WDR33: variants seen among roughly 807,000 people sequenced by gnomAD.
The protein encoded by WDR33 is pre-mRNA 3' end processing protein WDR33.
WDR33 carries 47 observed loss-of-function variants against 164.9 expected under a neutral mutation model. The observed-to-expected ratio is 0.29, with a 90% CI of 0.23 to 0.36. The LOEUF (loss-of-function observed/expected upper bound fraction) is 0.36, where lower values mean the gene tolerates loss of function less well. Among genes scored for constraint, WDR33 ranks in the 10% least tolerant of loss-of-function variants. The probability of loss-of-function intolerance (pLI) is 1.00; values close to 1 mark genes in which losing one functional copy is unlikely to be tolerated. For synonymous variants in WDR33, 505 were observed against 589.0 expected, an observed-to-expected ratio of 0.86 and a Z score of 2.06; for missense variants, 1,137 against 1,754.1, an observed-to-expected ratio of 0.65 and a Z score of 6.28.
At chr2:127,727,543 A>C in intron 7 of WDR33, among the ~76,000 whole-genome samples, 1 of 152,116 alleles carries the variant, frequency 6.6e-6, no homozygotes. Flanking sequence ...CAGCAAGAAC[A>C]GGAGAGAGTC....
intron 4 of WDR33, among the ~76,000 whole-genome samples, chr2:127,766,000 C>T (rs1018349331): frequency 6.6e-6 from 1 of 152,056 alleles, no homozygotes; most frequent in African/African-American, 2.4e-5. Context: ...TTTAAGTGCA[C>T]CTTTTCTCTT....
In WDR33 at chr2:127,726,912, T is replaced by C; in HGVS notation, c.725-135A>G. 1 of 1,163,140 alleles carries C rather than the reference T, an allele frequency of 8.6e-7. No homozygotes were observed. Among genetic ancestry groups the C allele is most frequent in the East Asian group, 2.5e-5 (1 of 39,662 alleles). 72.1% of individuals were successfully genotyped at this position (1,163,140 alleles called of 1,614,324 possible). On this transcript the variant is annotated intron_variant, in intron 7 of 21. Transcript: ENST00000322313. This position sits in a 1 kb window ranked among gnomAD's most constrained non-coding sequence, Gnocchi z 4.8. ...TTAAAACTTGTTTTGTGAAGACTCT[T>C]TGGCCTCTGTGTGTCTGGAAATTTT...
chr2:127,771,400 G>A (rs1006413888), intron 1 of WDR33, among the ~76,000 whole-genome samples: 6 of 152,146 alleles, frequency 3.9e-5, no homozygotes, highest in Admixed American at 1.3e-4. Flanking sequence ...CCATAGAAAA[G>A]TATGATAAAA....
rs1300835770 is a variant in WDR33, at chr2:127,708,521, C to T, written c.3781+156G>A. 6.6e-6 allele frequency among the ~76,000 whole-genome samples: 1 copy of T among 152,252 alleles called. No homozygotes were observed. Among genetic ancestry groups the T allele is most frequent in the Non-Finnish European group, 1.5e-5 (1 of 68,044 alleles). ...TGGAGTCCTGTGCAGGGCTGAGTTG[C>T]AGTCCACCAGATGACAGCTCGTGTG... On this transcript the variant is annotated intron_variant, in intron 21 of 21. Transcript: ENST00000322313. The surrounding 1 kb of genome is among the most constrained non-coding windows in gnomAD (Gnocchi z 6.7).
intron 1 of WDR33, among the ~76,000 whole-genome samples, chr2:127,786,661 G>A (rs527633060): frequency 5.9e-5 from 9 of 152,208 alleles, no homozygotes; most frequent in African/African-American, 2.2e-4. Context: ...TCCAGCCTGG[G>A]CAAAACAGCA....
At chr2:127,768,805 T>C (rs1219174149) in intron 3 of WDR33, 128 bp downstream of exon 3, 3 of 583,326 alleles carry the variant, frequency 5.1e-6, no homozygotes, top group Admixed American at 5.3e-5. Context: ...TATTATCCCT[T>C]TGGGAATATT....
Position 127,720,299 on chromosome 2 carries a change from G to C in WDR33, c.1726C>G (p.Pro576Ala). 6.6e-7 allele frequency: 1 copy of C among 1,516,636 alleles called. No homozygotes were observed. Among genetic ancestry groups the C allele is most frequent in the South Asian group, 1.3e-5 (1 of 74,864 alleles). 93.9% of individuals were successfully genotyped at this position (1,516,636 alleles called of 1,614,324 possible). A position where few individuals can be genotyped will look rare whatever the true frequency, so the allele number is the denominator to read the frequency against. Reference sequence around the variant, plus strand: ...CCGAGGAGAGGGGTGCCAGATGAGGGAGGAGGCTGAATTTGCTCAACTTGT... The same window carrying C: ...CCGAGGAGAGGGGTGCCAGATGAGGCAGGAGGCTGAATTTGCTCAACTTGT... ...QKQVEQIQPP[P>A]SSGTPLLGPQ... Residue 576 changes from proline to alanine, a missense_variant, in exon 16 of 22, where the codon CCC becomes GCC. Pro to Ala is a conservative substitution (Grantham distance 27). Around this residue, in one of 9 missense-constraint regions of WDR33, gnomAD observed 867 missense variants for 1,073.0 expected, o/e 0.81. Coordinates refer to ENST00000322313, the MANE Select transcript of WDR33 (RefSeq NM_018383.5). This position sits in a 1 kb window ranked among gnomAD's most constrained non-coding sequence, Gnocchi z 5.9.
In WDR33 at chr2:127,721,307, C is replaced by A. The variant is rs1686432777; in HGVS notation, c.1671+529G>T. 6.6e-6 allele frequency among the ~76,000 whole-genome samples: 1 copy of A among 152,116 alleles called. No homozygotes were observed. Among genetic ancestry groups the A allele is most frequent in the Non-Finnish European group, 1.5e-5 (1 of 68,022 alleles). ...ATTTTCAGTAGAGGTGGGGTTTCACCATGTTGACCATGCTGGTCTCAAACT... is the reference window on the plus strand; with the variant it reads ...ATTTTCAGTAGAGGTGGGGTTTCACAATGTTGACCATGCTGGTCTCAAACT... On this transcript the variant is annotated intron_variant, in intron 15 of 21. Coordinates refer to ENST00000322313, the MANE Select transcript of WDR33 (RefSeq NM_018383.5). This position sits in a 1 kb window ranked among gnomAD's most constrained non-coding sequence, Gnocchi z 4.9.
chr2:127,765,115 A>G lies in WDR33; in HGVS notation c.474+59T>C, dbSNP rs191313161. 6.4e-5 allele frequency: 100 copies of G among 1,567,142 alleles called. No individual in the cohort carries two copies. The African/African-American group carries it at 9.8e-4, about 15-fold the overall frequency. On this transcript the variant is annotated intron_variant, in intron 5 of 21. Coordinates refer to ENST00000322313, the MANE Select transcript of WDR33 (RefSeq NM_018383.5). Reference sequence around the variant, plus strand: ...GTTTAACAATGCCAATGAAATGACTATATCTCAAGTTCTTTACAGTACCAC... The same window carrying G: ...GTTTAACAATGCCAATGAAATGACTGTATCTCAAGTTCTTTACAGTACCAC...
In WDR33 at chr2:127,719,923, G is replaced by A. The variant is rs1157202628; in HGVS notation, c.2102C>T (p.Pro701Leu). 1.9e-6 allele frequency: 3 copies of A among 1,613,868 alleles called. No homozygotes were observed. The highest frequency in any genetic ancestry group is 2.5e-6 in the Non-Finnish European group (3 of 1,180,004). Residue 701 changes from proline to leucine, a missense_variant, in exon 16 of 22, where the codon CCT becomes CTT. By Grantham distance (98) the Pro-to-Leu change is moderately conservative. Around this residue, in one of 9 missense-constraint regions of WDR33, gnomAD observed 867 missense variants for 1,073.0 expected, o/e 0.81. Transcript: ENST00000322313. The surrounding 1 kb of genome is among the most constrained non-coding windows in gnomAD (Gnocchi z 6.5). ...GPPGPQGSSG[P>L]QGHMGPQGPP... Reference sequence around the variant, plus strand: ...ACCCTGAGGACCCATATGACCTTGAGGACCAGAACTACCTTGTGGTCCAGG... The same window carrying A: ...ACCCTGAGGACCCATATGACCTTGAAGACCAGAACTACCTTGTGGTCCAGG...
Position 127,701,378 on chromosome 2 carries a change from C to T in WDR33, c.*4945G>A, listed in dbSNP as rs13427745. 1,475 of 725,948 alleles carry T rather than the reference C, an allele frequency of 2.0e-3. 17 individuals are homozygous for T. The African/African-American group carries it at 0.025, about 12-fold the overall frequency. The allele number at this position is 725,948 out of a possible 1,614,324, so 45.0% of individuals were successfully genotyped here. A position where few individuals can be genotyped will look rare whatever the true frequency, so the allele number is the denominator to read the frequency against. Reference sequence around the variant, plus strand: ...CGGTACTTGGGGACACCACAAAAGTCCGCAGAGCAGGCACCGCGGCACTTC... The same window carrying T: ...CGGTACTTGGGGACACCACAAAAGTTCGCAGAGCAGGCACCGCGGCACTTC... On this transcript the variant is annotated 3_prime_UTR_variant, in exon 22 of 22. Coordinates refer to ENST00000322313, the MANE Select transcript of WDR33 (RefSeq NM_018383.5).
At chr2:127,806,960 G>A (rs1470309015) in intron 1 of WDR33, among the ~76,000 whole-genome samples, 1 of 152,140 alleles carries the variant, frequency 6.6e-6, no homozygotes, top group Non-Finnish European at 1.5e-5. Context: ...CCAAACAGAA[G>A]GCATATGGGT....
At chr2:127,736,567 AG>A in intron 7 of WDR33, 1 of 985,470 alleles carries the variant, frequency 1.0e-6, no homozygotes, top group East Asian at 1.1e-4. Flanking sequence ...TTGCCTATGT[AG>A]GTAAAATGGT....
In WDR33 at chr2:127,735,872, A is replaced by C. The variant is rs1686826467; in HGVS notation, c.725-9095T>G. The C allele has an allele frequency of 1.0e-6, 1 of 985,466 alleles. No homozygotes were observed. The highest frequency in any genetic ancestry group is 1.1e-4 in the East Asian group (1 of 8,820). The allele number at this position is 985,466 out of a possible 1,614,324, so 61.0% of individuals were successfully genotyped here. A position where few individuals can be genotyped will look rare whatever the true frequency, so the allele number is the denominator to read the frequency against. ...CAGTCAACATCAACTTGGAGTGATT[A>C]CTATTAGTCATCTTTGTTGTCCAGT... On this transcript the variant is annotated intron_variant, in intron 7 of 21. Coordinates refer to ENST00000322313, the MANE Select transcript of WDR33 (RefSeq NM_018383.5). This position sits in a 1 kb window ranked among gnomAD's most constrained non-coding sequence, Gnocchi z 4.3.
intron 1 of WDR33, among the ~76,000 whole-genome samples, chr2:127,798,367 CAA>C (rs61568967): frequency 9.9e-3 from 190 of 19,194 alleles, no homozygotes; most frequent in African/African-American, 0.037. Context: ...GACACCGTCG[CAA>C]AAAAAAAAAA....
In WDR33 at chr2:127,714,677, G is replaced by T. The variant is rs1330535030; in HGVS notation, c.2870-656C>A. ...CACCATTCTTTGAAGACAGTGTTTGGAATCCCACTAAAGTTTTCTAAAATA... is the reference window on the plus strand; with the variant it reads ...CACCATTCTTTGAAGACAGTGTTTGTAATCCCACTAAAGTTTTCTAAAATA... On this transcript the variant is annotated intron_variant, in intron 17 of 21. Coordinates refer to ENST00000322313, the MANE Select transcript of WDR33 (RefSeq NM_018383.5). This position sits in a 1 kb window ranked among gnomAD's most constrained non-coding sequence, Gnocchi z 4.3. 6.6e-6 allele frequency among the ~76,000 whole-genome samples: 1 copy of T among 152,140 alleles called. No individual in the cohort carries two copies. The highest frequency in any genetic ancestry group is 1.5e-5 in the Non-Finnish European group (1 of 68,026).
At chr2:127,762,223 T>C (rs13013415) in intron 7 of WDR33, among the ~76,000 whole-genome samples, 3,114 of 152,260 alleles carry the variant, frequency 0.02, 64 homozygotes, top group Middle Eastern at 0.054. Flanking sequence ...GAGTAGAAGG[T>C]ACTGTTTGTT....
rs146101071 is a variant in WDR33 at position 127,721,509 on chromosome 2, G to C, written c.1671+327C>G. Among the ~76,000 whole-genome samples, 1,014 of 152,294 alleles carry C rather than the reference G, an allele frequency of 6.7e-3. 11 individuals carry two copies. Among genetic ancestry groups the C allele is most frequent in the Middle Eastern group, 0.027 (8 of 294 alleles). On this transcript the variant is annotated intron_variant, in intron 15 of 21. Coordinates refer to ENST00000322313, the MANE Select transcript of WDR33 (RefSeq NM_018383.5). The surrounding 1 kb of genome is among the most constrained non-coding windows in gnomAD (Gnocchi z 4.9). ...TGCCTGTGGTCTCTGCCACTCAAGA[G>C]GCTTAATGTGGGAAGATCACTTGAG...
chr2:127,713,546 C>G lies in WDR33; in HGVS notation c.3308+37G>C. 1 of 1,603,878 alleles carries G rather than the reference C, an allele frequency of 6.2e-7. No individual in the cohort carries two copies. The highest frequency in any genetic ancestry group is 1.1e-5 in the South Asian group (1 of 89,608). On this transcript the variant is annotated intron_variant, in intron 18 of 21. Transcript: ENST00000322313. This position sits in a 1 kb window ranked among gnomAD's most constrained non-coding sequence, Gnocchi z 6.2. ...TGGAGACAGCAGATAAAAAGCTCCA[C>G]TGAAGATGGAATGGGCCCACAAAGT...
Sources: gnomAD v4.1 joint callset for allele counts (sites outside exome capture counted in the v4.1 genomes callset) on GRCh38, gnomAD v4.1.1 for gene constraint, gnomAD v4.1.1 regional missense constraint, Gnocchi (gnomAD v3.1) non-coding constraint, MANE v1.5 for transcripts, NCBI Gene and HGNC (gene_info 2026-07-23, HGNC 2026-07-21) for gene names.